The following MRPS6 variants were observed in gnomAD, a reference collection of about 807,000 sequenced individuals.
The protein encoded by MRPS6 is mitochondrial ribosomal protein S6.
A neutral mutation model predicts 13.1 loss-of-function variants in MRPS6; 6 were observed. That is an observed-to-expected ratio of 0.46 (90% CI 0.25 to 0.91). MRPS6 has a LOEUF of 0.91. MRPS6 is among the 40% of genes least tolerant of loss of function. MRPS6 has a pLI of 0.18. For missense variants in MRPS6, 164 were observed against 155.6 expected (o/e 1.05, Z -0.29); for synonymous variants, 61 against 56.5 (o/e 1.08, Z -0.36).
intron 2 of MRPS6, among the ~76,000 whole-genome samples, chr21:34,133,935 G>A (rs1049694891): frequency 1.3e-5 from 2 of 152,222 alleles, no homozygotes; most frequent in African/African-American, 4.8e-5. Context: ...GAGTGAAAGA[G>A]CAAATGGATA....
At chr21:34,099,482 A>G (rs1312061617) in intron 1 of MRPS6, 2 of 999,820 alleles carry the variant, frequency 2.0e-6, no homozygotes, top group Non-Finnish European at 2.4e-6. Context: ...AATTAACATT[A>G]AGTTGTAAGA....
intron 1 of MRPS6, among the ~76,000 whole-genome samples, chr21:34,112,135 AGTATAATC>A (rs1979724713): frequency 1.3e-5 from 2 of 152,110 alleles, no homozygotes; most frequent in African/African-American, 4.8e-5. Flanking sequence ...TTTATGACTC[AGTATAATC>A]TTTTCTTCCT....
chr21:34,092,150 A>G (rs1461474897), intron 1 of MRPS6, among the ~76,000 whole-genome samples: 1 of 151,954 alleles, frequency 6.6e-6, no homozygotes, highest in African/African-American at 2.4e-5. Flanking sequence ...AACATACTGT[A>G]TATTCAGAAC....
chr21:34,082,632 T>C (rs1192070812), intron 1 of MRPS6, among the ~76,000 whole-genome samples: 1 of 152,166 alleles, frequency 6.6e-6, no homozygotes, highest in African/African-American at 2.4e-5. Flanking sequence ...GCTCTCTTGG[T>C]AAAGATTATA....
intron 2 of MRPS6, among the ~76,000 whole-genome samples, chr21:34,132,245 C>T (rs1980529457): frequency 6.6e-6 from 1 of 152,130 alleles, no homozygotes; most frequent in Non-Finnish European, 1.5e-5. Flanking sequence ...TAAGGTCTGC[C>T]TGTCTCGGAG....
intron 2 of MRPS6, among the ~76,000 whole-genome samples, chr21:34,139,192 G>A (rs576403141): frequency 8.9e-6 from 1 of 112,012 alleles, no homozygotes; most frequent in African/African-American, 3.6e-5. Flanking sequence ...GTTGTGGGGT[G>A]GGGGGAGGGG....
chr21:34,097,060 A>G (rs1245329674), intron 1 of MRPS6: 1 of 1,614,028 alleles, frequency 6.2e-7, no homozygotes, highest in Admixed American at 1.7e-5. Context: ...TCCTTAGGTC[A>G]TTCAGAGGCA....
chr21:34,116,006 G>T (rs1394624216), intron 1 of MRPS6, among the ~76,000 whole-genome samples: 1 of 151,440 alleles, frequency 6.6e-6, no homozygotes, highest in Non-Finnish European at 1.5e-5. Context: ...AGTATGTAAG[G>T]ATCATACCCC....
intron 1 of MRPS6, among the ~76,000 whole-genome samples, chr21:34,090,323 C>T (rs1978621161): frequency 6.6e-6 from 1 of 152,146 alleles, no homozygotes; most frequent in Non-Finnish European, 1.5e-5. Context: ...CTGCATCAAG[C>T]GTTAGTAGTC....
intron 1 of MRPS6, among the ~76,000 whole-genome samples, chr21:34,091,897 A>G (rs1602922796): frequency 6.8e-6 from 1 of 147,034 alleles, no homozygotes; most frequent in Non-Finnish European, 1.5e-5. Context: ...ACCCACCTAC[A>G]TGCTTTTCAT....
chr21:34,140,125 G>C (rs1336660959), intron 2 of MRPS6, among the ~76,000 whole-genome samples: 1 of 151,678 alleles, frequency 6.6e-6, no homozygotes, highest in Non-Finnish European at 1.5e-5. Flanking sequence ...TTTCTGCTTT[G>C]GGGATTTCTC....
chr21:34,086,731 A>G (rs1050177477), intron 1 of MRPS6, among the ~76,000 whole-genome samples: 1 of 152,192 alleles, frequency 6.6e-6, no homozygotes, highest in Non-Finnish European at 1.5e-5. Flanking sequence ...CATGTAGTGT[A>G]AAAATAGTGG....
rs1989239216 is a variant in MRPS6 at position 34,073,582 on chromosome 21, T to A, written c.-119T>A. 1 of 848,976 alleles carries A rather than the reference T, an allele frequency of 1.2e-6. No homozygotes were observed. Among genetic ancestry groups the A allele is most frequent in the African/African-American group, 1.8e-5 (1 of 54,808 alleles). 52.6% of individuals were successfully genotyped at this position (848,976 alleles called of 1,614,324 possible). A position where few individuals can be genotyped will look rare whatever the true frequency, so the allele number is the denominator to read the frequency against. ...GGGCTCGCGCTCTCGGACCGTGCTT[T>A]CGCCGCCTGGGAGCCGTCCGGCGCA... On this transcript the variant is annotated 5_prime_UTR_variant, in exon 1 of 3. Transcript: ENST00000399312.
At chr21:34,111,297 C>T (rs775637742) in intron 1 of MRPS6, among the ~76,000 whole-genome samples, 1 of 152,152 alleles carries the variant, frequency 6.6e-6, no homozygotes, top group Non-Finnish European at 1.5e-5. Flanking sequence ...GTAACCACCA[C>T]CCATAAGAAA....
intron 2 of MRPS6, among the ~76,000 whole-genome samples, chr21:34,139,291 C>T (rs1252441627): frequency 6.6e-6 from 1 of 151,602 alleles, no homozygotes; most frequent in Non-Finnish European, 1.5e-5. Flanking sequence ...ACATATGTAA[C>T]TAACCTGCAC....
intron 2 of MRPS6, among the ~76,000 whole-genome samples, chr21:34,128,640 T>C (rs770310234): frequency 2.0e-5 from 3 of 152,238 alleles, no homozygotes; most frequent in Non-Finnish European, 4.4e-5. Context: ...CCTGTAAGTC[T>C]GTTGTTTATA....
chr21:34,123,002 G>A (rs748403366), intron 1 of MRPS6: 3 of 152,150 alleles, frequency 2.0e-5, no homozygotes, highest in East Asian at 1.9e-4. Context: ...TTTACCTACT[G>A]TTAATGGGAA....
chr21:34,108,048 A>G (rs943984819), intron 1 of MRPS6, among the ~76,000 whole-genome samples: 4 of 152,226 alleles, frequency 2.6e-5, no homozygotes, highest in Non-Finnish European at 5.9e-5. Flanking sequence ...TGGTGGTCCT[A>G]TAAAATAATG....
intron 2 of MRPS6, among the ~76,000 whole-genome samples, chr21:34,130,615 TAAG>T (rs1229786458): frequency 2.6e-5 from 4 of 152,260 alleles, no homozygotes; most frequent in African/African-American, 9.6e-5. Flanking sequence ...GTGAGTGTCT[TAAG>T]AAATATAAAG....
Sources: gnomAD v4.1 joint callset for allele counts (sites outside exome capture counted in the v4.1 genomes callset) on GRCh38, gnomAD v4.1.1 for gene constraint, MANE v1.5 for transcripts, NCBI Gene and HGNC (gene_info 2026-07-23, HGNC 2026-07-21) for gene names.